Variants in LHX2 observed in about 807,000 individuals in gnomAD.
LHX2 encodes LIM homeobox 2.
LHX2 carries 6 observed loss-of-function variants against 33.0 expected under a neutral mutation model. The ratio of observed to expected loss-of-function variants is 0.18; its 90% CI spans 0.10 to 0.36. LHX2 has a LOEUF of 0.36. Ranked by LOEUF, LHX2 falls within the 10% of genes least tolerant of loss-of-function variation. The pLI is 1.00. For synonymous variants in LHX2, 292 were observed against 253.1 expected, an observed-to-expected ratio of 1.15 and a Z score of -1.46; for missense variants, 442 against 586.2, an observed-to-expected ratio of 0.75 and a Z score of 2.54.
chr9:124,018,893 C>T (rs1335259256), intron 3 of LHX2, among the ~76,000 whole-genome samples: 3 of 152,192 alleles, frequency 2.0e-5, no homozygotes, highest in African/African-American at 7.2e-5. Context: ...ACTACCCCAC[C>T]TAGGCGGCAC....
rs557737698 is a variant in LHX2, at chr9:124,012,009, G to T, written c.-340G>T. 33 of 153,144 alleles carry T rather than the reference G, an allele frequency of 2.2e-4. No homozygotes were observed. In the East Asian group the frequency reaches 4.7e-3, roughly 22 times the overall value. The allele number at this position is 153,144 out of a possible 1,614,324, so 9.5% of individuals were successfully genotyped here. A position where few individuals can be genotyped will look rare whatever the true frequency, so the allele number is the denominator to read the frequency against. ...CCCCGGGCGCTGAAGCCGGGCGGGC[G>T]ATGCCCGCGGCGTGAAAGCGCCCGC... is the stretch of plus-strand genomic sequence containing the variant. On this transcript the variant is annotated 5_prime_UTR_variant, in exon 1 of 5. Coordinates refer to ENST00000373615, the MANE Select transcript of LHX2 (RefSeq NM_004789.4). The surrounding 1 kb of genome is among the most constrained non-coding windows in gnomAD (Gnocchi z 4.3).
chr9:124,030,208 C>T (rs1323004516), intron 4 of LHX2, among the ~76,000 whole-genome samples: 1 of 152,216 alleles, frequency 6.6e-6, no homozygotes, highest in Non-Finnish European at 1.5e-5. Context: ...AATTGTGTTA[C>T]GCCACCAGAA....
intron 4 of LHX2, among the ~76,000 whole-genome samples, chr9:124,022,784 C>T (rs765219952): frequency 1.1e-4 from 17 of 152,234 alleles, no homozygotes; most frequent in Non-Finnish European, 1.8e-4. Flanking sequence ...GCTGCAGCTG[C>T]GGGGGGAGCC....
At position 124,032,986 on chromosome 9, in the gene LHX2, G is replaced by A. The variant is rs1053773627; in HGVS notation, c.*279G>A. 1.3e-5 allele frequency: 4 copies of A among 302,186 alleles called. No homozygotes were observed. Among genetic ancestry groups the A allele is most frequent in the Non-Finnish European group, 2.4e-5 (4 of 165,890 alleles). 18.7% of individuals were successfully genotyped at this position (302,186 alleles called of 1,614,324 possible). A position where few individuals can be genotyped will look rare whatever the true frequency, so the allele number is the denominator to read the frequency against. On this transcript the variant is annotated 3_prime_UTR_variant, in exon 5 of 5. Transcript: ENST00000373615. The surrounding 1 kb of genome is among the most constrained non-coding windows in gnomAD (Gnocchi z 4.1). ...CAACAAATAATTTAAGTTGGCTAGA[G>A]CTTCTGTATTTTCAAAGACTGCCAC...
chr9:124,016,487 A>T lies in LHX2; in HGVS notation c.727+962A>T, dbSNP rs1011642370. On this transcript the variant is annotated intron_variant, in intron 3 of 4. Transcript: ENST00000373615. This position sits in a 1 kb window ranked among gnomAD's most constrained non-coding sequence, Gnocchi z 4.4. The stretch of plus-strand genomic sequence containing the variant: ...TTTCTTTCGTTTGCAACAGAATTAG[A>T]TTTGGAGATTTTGTGTTCTTCTTCC... 6.6e-6 allele frequency among the ~76,000 whole-genome samples: 1 copy of T among 152,254 alleles called. No homozygotes were observed. The highest frequency in any genetic ancestry group is 2.4e-5 in the African/African-American group (1 of 41,464).
rs1328198613 is a variant in LHX2 at position 124,016,322 on chromosome 9, C to T, written c.727+797C>T. On this transcript the variant is annotated intron_variant, in intron 3 of 4. Transcript: ENST00000373615. This position sits in a 1 kb window ranked among gnomAD's most constrained non-coding sequence, Gnocchi z 4.4. ...CCCGGAGAAGCTCTGCCCCCTCCCGCGCCCCTCCCTGCTCAGGACAGCTGC... is the reference window on the plus strand; with the variant it reads ...CCCGGAGAAGCTCTGCCCCCTCCCGTGCCCCTCCCTGCTCAGGACAGCTGC... Among the ~76,000 whole-genome samples, 1 of 152,170 alleles carries T rather than the reference C, an allele frequency of 6.6e-6. No individual in the cohort carries two copies. Among genetic ancestry groups the T allele is most frequent in the Non-Finnish European group, 1.5e-5 (1 of 68,030 alleles).
intron 4 of LHX2, among the ~76,000 whole-genome samples, chr9:124,023,432 G>A (rs1271458212): frequency 6.6e-6 from 1 of 152,184 alleles, no homozygotes; most frequent in African/African-American, 2.4e-5. Context: ...GGGAGGGAGG[G>A]CAGTTCTATG....
Position 124,014,043 on chromosome 9 carries a change from C to T in LHX2, c.203C>T (p.Ala68Val). 1 of 1,613,644 alleles carries T rather than the reference C, an allele frequency of 6.2e-7. No individual in the cohort carries two copies. Among genetic ancestry groups the T allele is most frequent in the Non-Finnish European group, 8.5e-7 (1 of 1,180,040 alleles). ...GKISDRYYLL[A>V]VDKQWHMRCL... ...ATCTCGGACCGCTACTACCTGCTGGCGGTGGACAAGCAGTGGCACATGCGC... is the reference window on the plus strand; with the variant it reads ...ATCTCGGACCGCTACTACCTGCTGGTGGTGGACAAGCAGTGGCACATGCGC... The change falls in exon 2 of 5, where the codon GCG (alanine) becomes GTG (valine). Residue 68 changes from alanine to valine, a missense_variant. This residue lies in a region of LHX2 where 72 missense variants were observed against 171.6 expected (regional missense o/e 0.42). Transcript: ENST00000373615. This position sits in a 1 kb window ranked among gnomAD's most constrained non-coding sequence, Gnocchi z 4.8.
rs1316764280 is a variant in LHX2 at position 124,015,667 on chromosome 9, C to T, written c.727+142C>T. The T allele has an allele frequency of 8.7e-6, 8 of 921,166 alleles. No homozygotes were observed. In the East Asian group the frequency reaches 1.4e-4, roughly 16 times the overall value. 57.1% of individuals were successfully genotyped at this position (921,166 alleles called of 1,614,324 possible). A position where few individuals can be genotyped will look rare whatever the true frequency, so the allele number is the denominator to read the frequency against. On this transcript the variant is annotated intron_variant, in intron 3 of 4. Transcript: ENST00000373615. The surrounding 1 kb of genome is among the most constrained non-coding windows in gnomAD (Gnocchi z 7.9). ...GACGGCCTCGCAGAAGGGACATTAGCCCCCTGGGCTTCCAGACTGTGCGTC... is the reference window on the plus strand; with the variant it reads ...GACGGCCTCGCAGAAGGGACATTAGTCCCCTGGGCTTCCAGACTGTGCGTC...
chr9:124,022,051 C>T (rs1859302249), intron 4 of LHX2, among the ~76,000 whole-genome samples: 1 of 152,136 alleles, frequency 6.6e-6, no homozygotes. Flanking sequence ...TTTTCACACC[C>T]CTAGAGATGT....
rs758980713 is a variant in LHX2, at chr9:124,016,384, C to T, written c.727+859C>T. Among the ~76,000 whole-genome samples the T allele has an allele frequency of 1.3e-5, 2 of 152,228 alleles. No individual in the cohort carries two copies. Among genetic ancestry groups the T allele is most frequent in the African/African-American group, 2.4e-5 (1 of 41,460 alleles). ...GTTCCGGCAAATGAGCCGTCAACAT[C>T]TGCCCGAAGTCTGCAAGGCCCGGAA... On this transcript the variant is annotated intron_variant, in intron 3 of 4. Coordinates refer to ENST00000373615, the MANE Select transcript of LHX2 (RefSeq NM_004789.4). The surrounding 1 kb of genome is among the most constrained non-coding windows in gnomAD (Gnocchi z 4.4).
intron 3 of LHX2, among the ~76,000 whole-genome samples, chr9:124,020,331 G>A (rs1222238129): frequency 6.6e-6 from 1 of 152,072 alleles, no homozygotes; most frequent in African/African-American, 2.4e-5. Context: ...GCAGATCTCT[G>A]AACTTCCCCG....
intron 4 of LHX2, among the ~76,000 whole-genome samples, chr9:124,028,301 C>T (rs571107597): frequency 3.3e-5 from 5 of 152,296 alleles, no homozygotes; most frequent in South Asian, 2.1e-4. Context: ...TGGGGCACCC[C>T]GGCCTGGTGT....
Position 124,033,073 on chromosome 9 carries a change from C to A in LHX2, c.*366C>A. The A allele has an allele frequency of 5.8e-6, 1 of 172,498 alleles. No homozygotes were observed. The allele number at this position is 172,498 out of a possible 1,614,324, so 10.7% of individuals were successfully genotyped here. ...ATGACTTGTTCATTTTTCTCTCCCT[C>A]TTTTTCTCTGTATATTTATGACCAG... is the stretch of plus-strand genomic sequence containing the variant. On this transcript the variant is annotated 3_prime_UTR_variant, in exon 5 of 5. Transcript: ENST00000373615.
rs1859245091 is a variant in LHX2, at chr9:124,018,955, AT to A, written c.728-2142del. ...GGGCGCCGGGGTCCCCACGGAGCTC[AT>A]TAACAGCAGCCAGGCCCAGGCGGGG... On this transcript the variant is annotated intron_variant, in intron 3 of 4. Coordinates refer to ENST00000373615, the MANE Select transcript of LHX2 (RefSeq NM_004789.4). Among the ~76,000 whole-genome samples, 3 of 152,196 alleles carry A rather than the reference AT, an allele frequency of 2.0e-5. No homozygotes were observed. In the South Asian group the frequency reaches 6.2e-4, roughly 31 times the overall value.
chr9:124,012,831 C>G lies in LHX2; in HGVS notation c.120+363C>G, dbSNP rs1859116946. On this transcript the variant is annotated intron_variant, in intron 1 of 4. Transcript: ENST00000373615. The surrounding 1 kb of genome is among the most constrained non-coding windows in gnomAD (Gnocchi z 4.3). ...TCGGCTCCGGTTGCTGGCGGCGCCGCGAGCGGCGCCAGGGAAGGGCGAACC... is the reference window on the plus strand; with the variant it reads ...TCGGCTCCGGTTGCTGGCGGCGCCGGGAGCGGCGCCAGGGAAGGGCGAACC... Among the ~76,000 whole-genome samples, 1 of 152,204 alleles carries G rather than the reference C, an allele frequency of 6.6e-6. No homozygotes were observed. Among genetic ancestry groups the G allele is most frequent in the African/African-American group, 2.4e-5 (1 of 41,450 alleles).
At chr9:124,023,361 G>A (rs1026461396) in intron 4 of LHX2, among the ~76,000 whole-genome samples, 2 of 152,320 alleles carry the variant, frequency 1.3e-5, no homozygotes, top group South Asian at 2.1e-4. Flanking sequence ...ACGAATTTGT[G>A]TTAGGCCACA....
intron 3 of LHX2, among the ~76,000 whole-genome samples, chr9:124,017,850 T>TCGGGCC (rs1331568294): frequency 6.6e-6 from 1 of 151,742 alleles, no homozygotes; most frequent in African/African-American, 2.4e-5. Context: ...CCGCAGCCCC[T>TCGGGCC]CGGGCCCGGG....
chr9:124,023,092 C>T (rs1191707611), intron 4 of LHX2, among the ~76,000 whole-genome samples: 1 of 152,218 alleles, frequency 6.6e-6, no homozygotes. Context: ...GTCAAGGACC[C>T]TCTTTGGCGT....
Sources: allele counts gnomAD v4.1 joint callset (sites outside exome capture counted in the v4.1 genomes callset), GRCh38; gene constraint gnomAD v4.1.1; regional missense constraint gnomAD v4.1.1; non-coding constraint Gnocchi (gnomAD v3.1); transcripts MANE v1.5; gene names NCBI Gene and HGNC (gene_info 2026-07-23, HGNC 2026-07-21).